ATRNL1: variants seen among roughly 807,000 people sequenced by gnomAD.
ATRNL1 encodes attractin like 1, also known as attractin-like protein 1.
A neutral mutation model predicts 182.7 loss-of-function variants in ATRNL1; 95 were observed. The observed-to-expected ratio is 0.52, with a 90% CI of 0.44 to 0.62. The LOEUF (loss-of-function observed/expected upper bound fraction) is 0.62, where lower values mean the gene tolerates loss of function less well. Ranked by LOEUF, ATRNL1 falls within the 20% of genes least tolerant of loss-of-function variation. ATRNL1 has a pLI of 0.00. For synonymous variants in ATRNL1, 576 were observed against 568.3 expected (o/e 1.01, Z -0.19); for missense variants, 1,471 against 1,679.5 (o/e 0.88, Z 2.17).
chr10:115,108,970 A>G (rs1554866992), intron 1 of ATRNL1, among the ~76,000 whole-genome samples: 1 of 152,138 alleles, frequency 6.6e-6, no homozygotes, highest in African/African-American at 2.4e-5. Context: ...AGTTTGCAGT[A>G]TCTCTTTCCT....
At chr10:115,667,455 C>T (rs1289494976) in intron 26 of ATRNL1, among the ~76,000 whole-genome samples, 1 of 152,090 alleles carries the variant, frequency 6.6e-6, no homozygotes, top group Admixed American at 6.6e-5. Context: ...CTGCTTAAGT[C>T]AGAACCTGTC....
chr10:115,297,643 T>C (rs1276011854), intron 15 of ATRNL1, among the ~76,000 whole-genome samples: 1 of 116,802 alleles, frequency 8.6e-6, no homozygotes, highest in Non-Finnish European at 1.6e-5. Context: ...AGAGTAAGAC[T>C]CCGTCTTAAA....
chr10:115,768,274 A>C (rs1459012487), intron 27 of ATRNL1, among the ~76,000 whole-genome samples: 2 of 152,150 alleles, frequency 1.3e-5, no homozygotes, highest in African/African-American at 4.8e-5. Context: ...TCAGAGCTAC[A>C]TGGTGGCTTT....
At chr10:115,508,102 GTTATTTTTAAAATATTT>G (rs1850206361) in intron 24 of ATRNL1, among the ~76,000 whole-genome samples, 1 of 151,798 alleles carries the variant, frequency 6.6e-6, no homozygotes. Context: ...CCACATTTTG[GTTATTTTTAAAATATTT>G]TTATTTTTAA....
chr10:115,589,718 T>C (rs1446697550), intron 26 of ATRNL1, among the ~76,000 whole-genome samples: 1 of 152,196 alleles, frequency 6.6e-6, no homozygotes, highest in African/African-American at 2.4e-5. Flanking sequence ...GATTGTAACT[T>C]TGAATTATAT....
chr10:115,770,124 T>C (rs1319640650), intron 27 of ATRNL1, among the ~76,000 whole-genome samples: 1 of 151,950 alleles, frequency 6.6e-6, no homozygotes, highest in Non-Finnish European at 1.5e-5. Flanking sequence ...GGTTATACTA[T>C]TACCTGAAGG....
chr10:115,121,204 C>G lies in ATRNL1; in HGVS notation c.378-495C>G, dbSNP rs1564750129. On this transcript the variant is annotated intron_variant, in intron 2 of 28. Transcript: ENST00000355044. ...CTCGGCTCACTGCAGCCTCTGCCTC[C>G]TGAGTTCAAGCAATTCTCCTGCCTC... Among the ~76,000 whole-genome samples the G allele has an allele frequency of 6.6e-5, 10 of 152,208 alleles. No homozygotes were observed. The South Asian group carries it at 2.1e-3, about 32-fold the overall frequency.
chr10:115,126,279 T>C (rs1397492021), intron 3 of ATRNL1, among the ~76,000 whole-genome samples: 2 of 152,162 alleles, frequency 1.3e-5, no homozygotes, highest in Non-Finnish European at 2.9e-5. Flanking sequence ...AGGATGTTCC[T>C]GATCTCTTGA....
intron 27 of ATRNL1, among the ~76,000 whole-genome samples, chr10:115,787,314 A>G (rs1482764770): frequency 3.3e-5 from 5 of 152,150 alleles, no homozygotes; most frequent in Non-Finnish European, 7.4e-5. Context: ...TGCAACATCA[A>G]TATATAGCCA....
intron 5 of ATRNL1, among the ~76,000 whole-genome samples, chr10:115,151,375 C>T (rs1320490929): frequency 3.3e-5 from 5 of 152,184 alleles, no homozygotes; most frequent in Non-Finnish European, 4.4e-5. Context: ...ACATTCTCTC[C>T]AGCACCTGTT....
intron 26 of ATRNL1, among the ~76,000 whole-genome samples, chr10:115,550,370 A>G (rs1852897255): frequency 6.6e-6 from 1 of 151,786 alleles, no homozygotes; most frequent in Non-Finnish European, 1.5e-5. Flanking sequence ...ATAATTGCTT[A>G]CCTTCTTTTT....
At chr10:115,504,203 A>G (rs1554980729) in intron 24 of ATRNL1, among the ~76,000 whole-genome samples, 1 of 151,458 alleles carries the variant, frequency 6.6e-6, no homozygotes, top group Non-Finnish European at 1.5e-5. Flanking sequence ...AAACTGAAAT[A>G]GTCATTATTT....
intron 14 of ATRNL1, among the ~76,000 whole-genome samples, chr10:115,282,702 G>A (rs951731513): frequency 1.3e-5 from 2 of 151,872 alleles, no homozygotes; most frequent in Non-Finnish European, 1.5e-5. Flanking sequence ...TAAGTGATAT[G>A]CTCAAAATTA....
chr10:115,806,260 C>A (rs554284752), intron 27 of ATRNL1, among the ~76,000 whole-genome samples: 2 of 152,168 alleles, frequency 1.3e-5, no homozygotes, highest in African/African-American at 4.8e-5. Context: ...GATTTTAATG[C>A]ATAAATTTTT....
intron 27 of ATRNL1, among the ~76,000 whole-genome samples, chr10:115,832,682 G>A (rs782268636): frequency 6.6e-5 from 10 of 152,214 alleles, no homozygotes; most frequent in African/African-American, 1.4e-4. Context: ...GAAACATTAG[G>A]TATTCAAAAA....
chr10:115,869,728 A>T (rs1205554954), intron 28 of ATRNL1, among the ~76,000 whole-genome samples: 1 of 152,204 alleles, frequency 6.6e-6, no homozygotes, highest in Non-Finnish European at 1.5e-5. Context: ...CCAATAAAAC[A>T]CATATTTTAT....
At chr10:115,696,188 C>T (rs908424907) in intron 26 of ATRNL1, among the ~76,000 whole-genome samples, 10 of 151,948 alleles carry the variant, frequency 6.6e-5, no homozygotes, top group South Asian at 2.1e-4. Flanking sequence ...GGGGAGACAC[C>T]GCACCCTGTC....
chr10:115,902,950 A>G (rs1555113812), intron 28 of ATRNL1, among the ~76,000 whole-genome samples: 1 of 152,198 alleles, frequency 6.6e-6, no homozygotes, highest in Non-Finnish European at 1.5e-5. Flanking sequence ...GTCCGTGTCA[A>G]GCTGATCTTT....
At chr10:115,942,237 A>G (rs1001046005) in intron 28 of ATRNL1, among the ~76,000 whole-genome samples, 1 of 152,214 alleles carries the variant, frequency 6.6e-6, no homozygotes, top group Non-Finnish European at 1.5e-5. Context: ...TGTTATGTAG[A>G]TAAGCTTCCT....
Sources: gnomAD v4.1 joint callset for allele counts (sites outside exome capture counted in the v4.1 genomes callset) on GRCh38, gnomAD v4.1.1 for gene constraint, MANE v1.5 for transcripts, NCBI Gene and HGNC (gene_info 2026-07-23, HGNC 2026-07-21) for gene names.